P3H4: variants seen among roughly 807,000 people sequenced by gnomAD.
P3H4 encodes prolyl 3-hydroxylase family member 4 (inactive).
A neutral mutation model predicts 52.9 loss-of-function variants in P3H4; 47 were observed. That is an observed-to-expected ratio of 0.89 (90% CI 0.70 to 1.13). The LOEUF is 1.13. Among genes scored for constraint, P3H4 ranks in the 50% most tolerant of loss-of-function variants. P3H4 has a pLI of 0.00. For missense variants in P3H4, 585 were observed against 611.0 expected, an observed-to-expected ratio of 0.96 and a Z score of 0.45; for synonymous variants, 256 against 267.9, an observed-to-expected ratio of 0.96 and a Z score of 0.44.
chr17:41,803,620 G>A (rs1555613823), intron 6 of P3H4, among the ~76,000 whole-genome samples, 189 bp from the exon 7 acceptor site: 1 of 119,118 alleles, frequency 8.4e-6, no homozygotes. Context: ...CTGAGTGGCT[G>A]CATAGGGCAC....
At chr17:41,803,485 A>C in intron 6 of P3H4, 54 bp from the exon 7 acceptor site, 1 of 1,537,522 alleles carries the variant, frequency 6.5e-7, no homozygotes, top group Non-Finnish European at 8.9e-7. Flanking sequence ...GCCCAAACCC[A>C]TATGGGCTCC....
intron 3 of P3H4, chr17:41,810,639 A>G (rs2047719868): frequency 1.1e-5 from 6 of 538,714 alleles, no homozygotes; most frequent in South Asian, 8.3e-5. Flanking sequence ...TATGAACCCA[A>G]GCTTCCCAAA....
In P3H4 at chr17:41,805,312, T is replaced by A. The variant is rs1414603361; in HGVS notation, c.1146+1484A>T. ...TCAAAAACAAACAAACAAAAAAACA[T>A]ACTTGATCTCACTTAATTCTTTCTC... On this transcript the variant is annotated intron_variant, in intron 6 of 7. Transcript: ENST00000393928. 1.3e-3 allele frequency among the ~76,000 whole-genome samples: 32 copies of A among 23,908 alleles called. No homozygotes were observed. The East Asian group carries it at 0.022, about 17-fold the overall frequency. 15.7% of individuals were successfully genotyped at this position (23,908 alleles called of 152,430 possible). A position where few individuals can be genotyped will look rare whatever the true frequency, so the allele number is the denominator to read the frequency against.
chr17:41,803,341 T>C lies in P3H4; in HGVS notation c.1237A>G (p.Met413Val). The C allele has an allele frequency of 6.2e-7, 1 of 1,614,104 alleles. No individual in the cohort carries two copies. The change falls in exon 7 of 8, where the codon ATG (methionine) becomes GTG (valine). Residue 413 changes from methionine (M) to valine (V), a missense_variant. Coordinates refer to ENST00000393928, the MANE Select transcript of P3H4 (RefSeq NM_006455.3). ...GGCTCCTGCCACCAGTCAGCATACATGCCCTCCTCGTAGTCACCCTCCCCC... is the reference window on the plus strand; with the variant it reads ...GGCTCCTGCCACCAGTCAGCATACACGCCCTCCTCGTAGTCACCCTCCCCC... ...FEGEGDYEEG[M>V]YADWWQEPDA...
In P3H4 at chr17:41,807,954, C is replaced by G. The variant is rs781861931; in HGVS notation, c.967G>C (p.Asp323His). Residue 323 changes from aspartate to histidine, a missense_variant, in exon 5 of 8, where the codon GAC (aspartate) becomes CAC (histidine). Physicochemically the swap from Asp to His is moderately conservative, Grantham distance 81. Coordinates refer to ENST00000393928, the MANE Select transcript of P3H4 (RefSeq NM_006455.3). ...ARSAASYMLF[D>H]PKDSVMQQNL... ...TGCTGCATGACGCTGTCCTTGGGGT[C>G]GAAGAGCATGTAGCTGGCGGCGCTG... 2 of 1,614,120 alleles carry G rather than the reference C, an allele frequency of 1.2e-6. No individual in the cohort carries two copies. Among genetic ancestry groups the G allele is most frequent in the Non-Finnish European group, 1.7e-6 (2 of 1,179,992 alleles).
chr17:41,809,787 A>G lies in P3H4; in HGVS notation c.835T>C (p.Leu279=). 2.5e-6 allele frequency: 4 copies of G among 1,613,936 alleles called. No individual in the cohort carries two copies. The highest frequency in any genetic ancestry group is 3.4e-6 in the Non-Finnish European group (4 of 1,179,970). ...AAGTAGCCACCCACATTGGGGGTCA[A>G]ATTGGCCTCACAGTCCACCTTGCAC... ...LQCKVDCEAN[L]TPNVGGYFVD... is the part of the protein sequence containing the mutation. Residue 279 remains leucine, a synonymous_variant, in exon 4 of 8, where the codon TTG becomes CTG. Transcript: ENST00000393928.
intron 6 of P3H4, among the ~76,000 whole-genome samples, chr17:41,806,359 A>G (rs918015012): frequency 5.3e-5 from 8 of 152,166 alleles, no homozygotes; most frequent in African/African-American, 1.9e-4. Context: ...GATGTGGGAG[A>G]ACAGGGAATA....
At position 41,811,810 on chromosome 17, in the gene P3H4, G is replaced by A; in HGVS notation, c.106C>T (p.Leu36=). The change falls in exon 1 of 8, where the codon CTG becomes TTG. Residue 36 remains leucine (L), a synonymous_variant. Coordinates refer to ENST00000393928, the MANE Select transcript of P3H4 (RefSeq NM_006455.3). This position sits in a 1 kb window ranked among gnomAD's most constrained non-coding sequence, Gnocchi z 4.8. ...RGFPPEDLMP[L]AAAYGHALEQ... Reference sequence around the variant, plus strand: ...AGAGCGTGCCCGTACGCCGCGGCCAGCGGCATCAGGTCCTCGGGCGGGAAG... The same window carrying A: ...AGAGCGTGCCCGTACGCCGCGGCCAACGGCATCAGGTCCTCGGGCGGGAAG... The A allele has an allele frequency of 3.3e-6, 5 of 1,537,362 alleles. No homozygotes were observed. The highest frequency in any genetic ancestry group is 4.3e-6 in the Non-Finnish European group (5 of 1,153,558).
In P3H4 at chr17:41,811,433, C is replaced by CG. The variant is rs2047735650; in HGVS notation, c.462+20dup. ...CGACGCCCAGCCCGAGACAGGTCCC[C>CG]GGGTGGGGGCGGGCTCCCACCTTGA... On this transcript the variant is annotated intron_variant, in intron 1 of 7. Transcript: ENST00000393928. The surrounding 1 kb of genome is among the most constrained non-coding windows in gnomAD (Gnocchi z 4.8). 2.5e-6 allele frequency: 4 copies of CG among 1,610,292 alleles called. No individual in the cohort carries two copies.
intron 3 of P3H4, 117 bp downstream of exon 3, chr17:41,810,746 C>T: frequency 1.5e-6 from 2 of 1,293,838 alleles, no homozygotes; most frequent in Non-Finnish European, 2.1e-6. Flanking sequence ...ACAGACAAGG[C>T]CTTCCTCCCG....
At chr17:41,803,115 T>C in intron 7 of P3H4, 136 bp from the exon 8 acceptor site, 1 of 1,417,180 alleles carries the variant, frequency 7.1e-7, no homozygotes, top group Non-Finnish European at 9.6e-7. Context: ...GGGGAGATGC[T>C]GCACCACCAC....
chr17:41,810,754 C>G, intron 3 of P3H4, 109 bp downstream of exon 3: 2 of 1,364,878 alleles, frequency 1.5e-6, no homozygotes, highest in South Asian at 2.9e-5. Context: ...GGCCTTCCTC[C>G]CGGCTGGCTC....
chr17:41,811,892 CAG>C lies in P3H4; in HGVS notation c.22_23del (p.Leu8AlafsTer130). 1 of 1,519,544 alleles carries C rather than the reference CAG, an allele frequency of 6.6e-7. No homozygotes were observed. Among genetic ancestry groups the C allele is most frequent in the Non-Finnish European group, 8.7e-7 (1 of 1,143,230 alleles). 94.1% of individuals were successfully genotyped at this position (1,519,544 alleles called of 1,614,324 possible). On this transcript the variant is annotated frameshift_variant, in exon 1 of 8. Coordinates refer to ENST00000393928, the MANE Select transcript of P3H4 (RefSeq NM_006455.3). LOFTEE classifies it high-confidence loss of function. The surrounding 1 kb of genome is among the most constrained non-coding windows in gnomAD (Gnocchi z 4.8). ...CGGCGCTGCCCAGCAGCAACCACAG[CAG>C]CCCCCACGCCACCCGAGCCATGCCC... MARVAWG[L>X]LWLLLGSAGA...
Position 41,802,723 on chromosome 17 carries a change from T to C in P3H4, c.*234A>G. On this transcript the variant is annotated 3_prime_UTR_variant, in exon 8 of 8. Coordinates refer to ENST00000393928, the MANE Select transcript of P3H4 (RefSeq NM_006455.3). ...CCTGCCACCACACCCGGCTAATTTA[T>C]GTATTTTAGTAGAGACGGAGGTCTC... is the stretch of plus-strand genomic sequence containing the variant. The C allele has an allele frequency of 2.2e-6, 1 of 452,840 alleles. No homozygotes were observed. The highest frequency in any genetic ancestry group is 2.8e-5 in the South Asian group (1 of 35,494). The allele number at this position is 452,840 out of a possible 1,614,324, so 28.1% of individuals were successfully genotyped here.
chr17:41,809,885 G>A lies in P3H4; in HGVS notation c.788-51C>T, dbSNP rs200609165. 8.6e-4 allele frequency: 1,368 copies of A among 1,588,430 alleles called. 1 individual carries two copies. The highest frequency in any genetic ancestry group is 1.1e-3 in the Non-Finnish European group (1,238 of 1,162,450). On this transcript the variant is annotated intron_variant, in intron 3 of 7. Transcript: ENST00000393928. ...GGCTGGCATTGCAATGAACATCTCC[G>A]TCCCCCCAGTGGAGAAGACTCTAAA...
intron 6 of P3H4, among the ~76,000 whole-genome samples, chr17:41,806,474 G>A (rs1463220871): frequency 6.6e-6 from 1 of 152,172 alleles, no homozygotes; most frequent in Non-Finnish European, 1.5e-5. Flanking sequence ...CAGGCCACAG[G>A]TGGCCAGGGA....
rs782628035 is a variant in P3H4, at chr17:41,807,973, G to A, written c.948C>T (p.Ala316=). Residue 316 remains alanine (A), a synonymous_variant, in exon 5 of 8, where the codon GCC becomes GCT. Transcript: ENST00000393928. Reference sequence around the variant, plus strand: ...TGGGGTCGAAGAGCATGTAGCTGGCGGCGCTGCGGGCAGCCTGGCGCACAT... The same window carrying A: ...TGGGGTCGAAGAGCATGTAGCTGGCAGCGCTGCGGGCAGCCTGGCGCACAT... The part of the protein sequence containing the change: ...LNDVRQAARS[A]ASYMLFDPKD... The A allele has an allele frequency of 1.2e-5, 20 of 1,613,898 alleles. No individual in the cohort carries two copies. Among genetic ancestry groups the A allele is most frequent in the East Asian group, 6.7e-5 (3 of 44,892 alleles).
intron 6 of P3H4, among the ~76,000 whole-genome samples, chr17:41,804,395 G>T (rs1450645548): frequency 6.6e-6 from 1 of 152,116 alleles, no homozygotes; most frequent in Non-Finnish European, 1.5e-5. Flanking sequence ...GGAGGCTGAG[G>T]TCGGTGGATC....
At position 41,811,127 on chromosome 17, in the gene P3H4, C is replaced by T. The variant is rs782386357; in HGVS notation, c.615+5G>A. ...TACAAGCCTCCTCCTGACCCTCCACCCCACCTCGTAGGGCTGGGCCTCTAG... is the reference window on the plus strand; with the variant it reads ...TACAAGCCTCCTCCTGACCCTCCACTCCACCTCGTAGGGCTGGGCCTCTAG... On this transcript the variant is annotated splice_donor_5th_base_variant and intron_variant, in intron 2 of 7. Coordinates refer to ENST00000393928, the MANE Select transcript of P3H4 (RefSeq NM_006455.3). The surrounding 1 kb of genome is among the most constrained non-coding windows in gnomAD (Gnocchi z 4.8). 1 of 1,614,138 alleles carries T rather than the reference C, an allele frequency of 6.2e-7. No homozygotes were observed. The highest frequency in any genetic ancestry group is 8.5e-7 in the Non-Finnish European group (1 of 1,179,976).
Sources: gnomAD v4.1 joint callset for allele counts (sites outside exome capture counted in the v4.1 genomes callset) on GRCh38, gnomAD v4.1.1 for gene constraint, Gnocchi (gnomAD v3.1) non-coding constraint, MANE v1.5 for transcripts, NCBI Gene and HGNC (gene_info 2026-07-23, HGNC 2026-07-21) for gene names.